The following FHIT variants were observed in gnomAD, a reference collection of about 807,000 sequenced individuals.
FHIT encodes bis(5'-adenosyl)-triphosphatase.
A neutral mutation model predicts 17.9 loss-of-function variants in FHIT; 19 were observed. The observed-to-expected ratio is 1.06, with a 90% CI of 0.74 to 1.56. The LOEUF (loss-of-function observed/expected upper bound fraction) is 1.56, where lower values mean the gene tolerates loss of function less well. FHIT is among the 40% of genes most tolerant of loss of function. The pLI is 0.00. For missense variants in FHIT, 248 were observed against 189.2 expected, an observed-to-expected ratio of 1.31 and a Z score of -1.82; for synonymous variants, 81 against 69.7, an observed-to-expected ratio of 1.16 and a Z score of -0.81.
At position 60,297,289 on chromosome 3, in the gene FHIT, T is replaced by G. The variant is rs569428390; in HGVS notation, c.103+239571A>C. ...AACCTGTGAGAATATGTCTCTCCAT[T>G]TATTGAGATCATCTTTGCTTTCTCT... On this transcript the variant is annotated intron_variant, in intron 5 of 9. Coordinates refer to ENST00000492590, the MANE Select transcript of FHIT (RefSeq NM_002012.4). Among the ~76,000 whole-genome samples the G allele has an allele frequency of 2.0e-5, 3 of 152,234 alleles. No individual in the cohort carries two copies. The South Asian group carries it at 6.2e-4, about 32-fold the overall frequency.
intron 8 of FHIT, among the ~76,000 whole-genome samples, chr3:59,810,363 AT>A (rs1456500203): frequency 6.6e-6 from 1 of 152,160 alleles, no homozygotes; most frequent in Non-Finnish European, 1.5e-5. Context: ...CATGAAACAG[AT>A]TTCTGAGCAC....
At chr3:60,734,052 A>C (rs2042086071) in intron 4 of FHIT, among the ~76,000 whole-genome samples, 1 of 152,208 alleles carries the variant, frequency 6.6e-6, no homozygotes, top group South Asian at 2.1e-4. Context: ...GAAGTATCAA[A>C]GCAACTGTCC....
chr3:60,971,985 C>T (rs187986874), intron 3 of FHIT, among the ~76,000 whole-genome samples: 45 of 152,146 alleles, frequency 3.0e-4, no homozygotes, highest in Admixed American at 2.0e-3. Context: ...GGTAACCAAT[C>T]GGTTATAATT....
At chr3:60,794,931 G>A (rs1444757727) in intron 4 of FHIT, among the ~76,000 whole-genome samples, 1 of 152,150 alleles carries the variant, frequency 6.6e-6, no homozygotes, top group African/African-American at 2.4e-5. Context: ...GTACAAAAGG[G>A]CATGAGTAAA....
intron 8 of FHIT, among the ~76,000 whole-genome samples, chr3:59,832,271 G>A (rs987823078): frequency 6.6e-6 from 1 of 152,092 alleles, no homozygotes; most frequent in Admixed American, 6.6e-5. Context: ...AGTTACTTCT[G>A]GATCTTCCCA....
chr3:59,963,496 A>G (rs987408732), intron 7 of FHIT, among the ~76,000 whole-genome samples: 5 of 151,998 alleles, frequency 3.3e-5, no homozygotes, highest in South Asian at 2.1e-4. Context: ...GAGAGACAGA[A>G]AGAGATATCA....
chr3:60,117,019 A>G (rs1704995278), intron 5 of FHIT, among the ~76,000 whole-genome samples: 1 of 152,206 alleles, frequency 6.6e-6, no homozygotes, highest in Non-Finnish European at 1.5e-5. Context: ...TCTTCTAGGG[A>G]GATCCACTCT....
At chr3:60,955,629 TATATACACACAC>T (rs1709110051) in intron 3 of FHIT, among the ~76,000 whole-genome samples, 3 of 38,286 alleles carry the variant, frequency 7.8e-5, no homozygotes, top group Admixed American at 2.8e-4. Context: ...TATATATATA[TATATACACACAC>T]ACACATATAT....
chr3:60,888,969 G>T (rs1295320156), intron 3 of FHIT, among the ~76,000 whole-genome samples: 1 of 152,146 alleles, frequency 6.6e-6, no homozygotes, highest in African/African-American at 2.4e-5. Flanking sequence ...AAATATGCCA[G>T]TATGTTCAAT....
chr3:60,598,080 G>C (rs948114377), intron 4 of FHIT, among the ~76,000 whole-genome samples: 16 of 152,256 alleles, frequency 1.1e-4, no homozygotes, highest in African/African-American at 3.8e-4. Context: ...GGTCTGGAAA[G>C]ATGTATCATC....
chr3:60,020,324 A>G lies in FHIT; in HGVS notation c.104-6172T>C, dbSNP rs139677447. ...AGCACTGACAGATAAATGGAAATGT[A>G]CTGATTCAGATGATTAATTAAAGAT... is the stretch of plus-strand genomic sequence containing the variant. On this transcript the variant is annotated intron_variant, in intron 5 of 9. Coordinates refer to ENST00000492590, the MANE Select transcript of FHIT (RefSeq NM_002012.4). Among the ~76,000 whole-genome samples, 763 of 152,334 alleles carry G rather than the reference A, an allele frequency of 5.0e-3. 3 individuals carry two copies. Among genetic ancestry groups the G allele is most frequent in the Middle Eastern group, 0.02 (6 of 294 alleles).
rs79445995 is a variant in FHIT at position 60,651,878 on chromosome 3, G to A, written c.-17-114899C>T. ...GTGTTCTGGTTCACACTGGTCCACT[G>A]AGCAAACCTATTTACTGCCTTTCCC... On this transcript the variant is annotated intron_variant, in intron 4 of 9. Transcript: ENST00000492590. Among the ~76,000 whole-genome samples the A allele has an allele frequency of 4.6e-5, 7 of 152,256 alleles. No homozygotes were observed. In the East Asian group the frequency reaches 1.4e-3, roughly 29 times the overall value.
At chr3:59,766,533 G>GAT (rs1424605121) in intron 8 of FHIT, among the ~76,000 whole-genome samples, 2 of 152,202 alleles carry the variant, frequency 1.3e-5, no homozygotes, top group Admixed American at 1.3e-4. Context: ...ATGTCTGTGA[G>GAT]ATAGTCATCC....
intron 5 of FHIT, among the ~76,000 whole-genome samples, chr3:60,210,426 A>C (rs1413937025): frequency 1.3e-5 from 2 of 152,194 alleles, no homozygotes; most frequent in Non-Finnish European, 2.9e-5. Context: ...AAAATCCCAA[A>C]GTAATAAGGA....
intron 8 of FHIT, among the ~76,000 whole-genome samples, chr3:59,902,316 G>A (rs1220208305): frequency 2.0e-5 from 3 of 152,112 alleles, no homozygotes; most frequent in Admixed American, 2.0e-4. Flanking sequence ...ATTGCTGAGG[G>A]TGTGTAGAAA....
intron 5 of FHIT, among the ~76,000 whole-genome samples, chr3:60,278,671 G>A: frequency 6.6e-6 from 1 of 151,690 alleles, no homozygotes; most frequent in Non-Finnish European, 1.5e-5. Context: ...GCTACAGCAA[G>A]CATTAAACAC....
chr3:59,960,389 A>G (rs900297770), intron 7 of FHIT, among the ~76,000 whole-genome samples: 6 of 152,194 alleles, frequency 3.9e-5, no homozygotes, highest in Admixed American at 3.9e-4. Flanking sequence ...GGAGGCAAGG[A>G]TAATCCCTAG....
intron 5 of FHIT, among the ~76,000 whole-genome samples, chr3:60,041,449 C>T (rs531049479): frequency 2.0e-5 from 3 of 152,276 alleles, no homozygotes; most frequent in East Asian, 1.9e-4. Flanking sequence ...TAATAATTAC[C>T]GCCAAGGTTG....
intron 5 of FHIT, among the ~76,000 whole-genome samples, chr3:60,025,442 T>A (rs560887930): frequency 4.3e-4 from 66 of 152,286 alleles, no homozygotes; most frequent in African/African-American, 1.5e-3. Flanking sequence ...AGACTTTTGC[T>A]CACTTTGGCT....
Sources: allele counts gnomAD v4.1 joint callset (sites outside exome capture counted in the v4.1 genomes callset), GRCh38; gene constraint gnomAD v4.1.1; transcripts MANE v1.5; gene names NCBI Gene and HGNC (gene_info 2026-07-23, HGNC 2026-07-21).